The following HDAC4 variants were observed in gnomAD, a reference collection of about 807,000 sequenced individuals.
The protein encoded by HDAC4 is histone deacetylase A.
A neutral mutation model predicts 135.1 loss-of-function variants in HDAC4; 16 were observed. The observed-to-expected ratio is 0.12, with a 90% CI of 0.08 to 0.18. The LOEUF (loss-of-function observed/expected upper bound fraction) is 0.18. Ranked by LOEUF, HDAC4 falls within the 10% of genes least tolerant of loss-of-function variation. The pLI is 1.00. For synonymous variants in HDAC4, 685 were observed against 653.4 expected (o/e 1.05, Z -0.74); for missense variants, 1,143 against 1,511.8 (o/e 0.76, Z 4.05).
At chr2:239,304,687 G>T (rs1205680746) in intron 2 of HDAC4, among the ~76,000 whole-genome samples, 1 of 152,164 alleles carries the variant, frequency 6.6e-6, no homozygotes, top group African/African-American at 2.4e-5. Context: ...GGGGTCAGGA[G>T]CTCTCAACGA....
chr2:239,346,300 AACAC>A (rs1374038743), intron 2 of HDAC4, among the ~76,000 whole-genome samples: 2 of 147,038 alleles, frequency 1.4e-5, no homozygotes, highest in African/African-American at 5.1e-5. Context: ...CTAAAACACA[AACAC>A]ACCCTAACAC....
intron 2 of HDAC4, chr2:239,298,376 A>T (rs1575643608): frequency 1.7e-6 from 2 of 1,186,532 alleles, no homozygotes; most frequent in Middle Eastern, 7.7e-4. Flanking sequence ...AGGGATCCGG[A>T]ATCGCCAGAG....
chr2:239,348,434 C>T (rs1457437914), intron 2 of HDAC4, among the ~76,000 whole-genome samples: 3 of 152,234 alleles, frequency 2.0e-5, no homozygotes, highest in African/African-American at 4.8e-5. Flanking sequence ...CAAGTAACAA[C>T]GTCTGCCTTT....
chr2:239,362,934 A>G (rs1693951289), intron 1 of HDAC4, among the ~76,000 whole-genome samples: 2 of 152,244 alleles, frequency 1.3e-5, no homozygotes, highest in African/African-American at 2.4e-5. Context: ...TAAAATAACT[A>G]AGTGAATTTT....
At chr2:239,276,136 C>A (rs370918073) in intron 2 of HDAC4, among the ~76,000 whole-genome samples, 1 of 152,188 alleles carries the variant, frequency 6.6e-6, no homozygotes, top group East Asian at 1.9e-4. Flanking sequence ...CAGACACCGA[C>A]CCCCACGCCA....
At chr2:239,322,983 G>A (rs1190485139) in intron 2 of HDAC4, among the ~76,000 whole-genome samples, 1 of 152,154 alleles carries the variant, frequency 6.6e-6, no homozygotes, top group Admixed American at 6.5e-5. Flanking sequence ...GCCACAAACG[G>A]CTCACTCTTG....
chr2:239,215,808 C>T (rs550871079), intron 3 of HDAC4, among the ~76,000 whole-genome samples: 14 of 152,198 alleles, frequency 9.2e-5, no homozygotes, highest in Non-Finnish European at 1.6e-4. Context: ...ATCAGTTCCG[C>T]GCAGGCACTG....
intron 1 of HDAC4, among the ~76,000 whole-genome samples, chr2:239,394,294 A>G (rs776430345): frequency 6.6e-6 from 1 of 152,254 alleles, no homozygotes; most frequent in Non-Finnish European, 1.5e-5. Flanking sequence ...TAAACAGAGC[A>G]GACTCCAAAA....
chr2:239,368,469 T>C (rs971419030), intron 1 of HDAC4, among the ~76,000 whole-genome samples: 2 of 152,196 alleles, frequency 1.3e-5, no homozygotes, highest in Admixed American at 6.5e-5. Flanking sequence ...GAACAGCTTC[T>C]TGAAACAAAC....
At chr2:239,096,669 C>G (rs1391027647) in intron 16 of HDAC4, among the ~76,000 whole-genome samples, 1 of 74,776 alleles carries the variant, frequency 1.3e-5, no homozygotes, top group South Asian at 5.9e-4. Context: ...GCCCACCCCC[C>G]CCATGGACGC....
intron 3 of HDAC4, among the ~76,000 whole-genome samples, chr2:239,204,288 C>T (rs1026347739): frequency 1.3e-5 from 2 of 152,332 alleles, no homozygotes; most frequent in African/African-American, 2.4e-5. Context: ...CACGATGCAG[C>T]GGCCCCTGTG....
intron 3 of HDAC4, among the ~76,000 whole-genome samples, chr2:239,221,609 GACACACACACAC>G (rs3838519): frequency 0.049 from 7,276 of 149,044 alleles, 406 homozygotes; most frequent in African/African-American, 0.13. Context: ...CTGAGAGTGG[GACACACACACAC>G]ACACACACAC....
At chr2:239,326,968 C>T (rs1467270486) in intron 2 of HDAC4, among the ~76,000 whole-genome samples, 1 of 152,242 alleles carries the variant, frequency 6.6e-6, no homozygotes, top group Non-Finnish European at 1.5e-5. Flanking sequence ...GTACGACCTT[C>T]CCAGGCCATG....
chr2:239,346,982 CA>C (rs1692748659), intron 2 of HDAC4, among the ~76,000 whole-genome samples: 1 of 122,276 alleles, frequency 8.2e-6, no homozygotes, highest in Admixed American at 1.1e-4. Flanking sequence ...CACCCTAACA[CA>C]CACACCCTGT....
At chr2:239,174,853 C>T (rs2043657241) in intron 5 of HDAC4, among the ~76,000 whole-genome samples, 1 of 152,180 alleles carries the variant, frequency 6.6e-6, no homozygotes, top group Admixed American at 6.5e-5. Flanking sequence ...ATTTCACAAG[C>T]ATAATGTCCA....
intron 2 of HDAC4, among the ~76,000 whole-genome samples, chr2:239,348,684 A>G (rs1692897563): frequency 6.6e-6 from 1 of 152,242 alleles, no homozygotes; most frequent in South Asian, 2.1e-4. Context: ...GCCCTGCCAC[A>G]GCGCATCCCC....
At chr2:239,123,773 G>A (rs2039896644) in intron 12 of HDAC4, among the ~76,000 whole-genome samples, 1 of 152,194 alleles carries the variant, frequency 6.6e-6, no homozygotes, top group Non-Finnish European at 1.5e-5. Context: ...TCAGGGCTGC[G>A]GGAAGAGGCA....
At chr2:239,191,472 A>G (rs1575356895) in intron 3 of HDAC4, among the ~76,000 whole-genome samples, 2 of 152,266 alleles carry the variant, frequency 1.3e-5, no homozygotes, top group Non-Finnish European at 2.9e-5. Flanking sequence ...AAGCATTTCC[A>G]CAGTCACTGC....
intron 2 of HDAC4, among the ~76,000 whole-genome samples, chr2:239,295,306 CAAAAAAAAAA>C (rs55990119): frequency 1.2e-3 from 55 of 46,566 alleles, no homozygotes; most frequent in African/African-American, 3.9e-3. Context: ...GACTCCGTCT[CAAAAAAAAAA>C]AAAAAAAAAA....
Sources: allele counts gnomAD v4.1 joint callset (sites outside exome capture counted in the v4.1 genomes callset), GRCh38; gene constraint gnomAD v4.1.1; transcripts MANE v1.5; gene names NCBI Gene and HGNC (gene_info 2026-07-23, HGNC 2026-07-21).